Variants in USP34 observed in about 807,000 individuals in gnomAD.
The protein encoded by USP34 is ubiquitin carboxyl-terminal hydrolase 34.
Under a neutral mutation model 460.3 loss-of-function variants are expected in USP34, and 70 were observed. The ratio of observed to expected loss-of-function variants is 0.15; its 90% CI spans 0.13 to 0.19. USP34 has a LOEUF of 0.19. Ranked by LOEUF, USP34 falls within the 10% of genes least tolerant of loss-of-function variation. USP34 has a pLI of 1.00. For missense variants in USP34, 3,985 were observed against 4,236.2 expected, an observed-to-expected ratio of 0.94 and a Z score of 1.65; for synonymous variants, 1,647 against 1,405.3, an observed-to-expected ratio of 1.17 and a Z score of -3.85.
intron 1 of USP34, among the ~76,000 whole-genome samples, chr2:61,460,023 C>G (rs1470068555): frequency 3.9e-5 from 6 of 152,176 alleles, no homozygotes; most frequent in Non-Finnish European, 8.8e-5. Flanking sequence ...GATCGCACCA[C>G]TGCACTCCAG....
intron 29 of USP34, among the ~76,000 whole-genome samples, chr2:61,297,831 C>A (rs1015396671): frequency 4.6e-5 from 7 of 152,094 alleles, no homozygotes; most frequent in African/African-American, 1.4e-4. Context: ...CAACCTCCGC[C>A]TCCCGGGTTC....
chr2:61,235,328 C>CTTTTTTTTTTTTTTTTTTTTTTTT (rs10537200), intron 57 of USP34, among the ~76,000 whole-genome samples: 1 of 123,404 alleles, frequency 8.1e-6, no homozygotes. Context: ...ATTTTTTTTT[C>CTTTTTTTTTTTTTTTTTTTTTTTT]TTTTTTTTTT....
Position 61,441,802 on chromosome 2 carries a change from CAA to C in USP34, c.44-20971_44-20970del, listed in dbSNP as rs70963429. Among the ~76,000 whole-genome samples the C allele has an allele frequency of 4.9e-4, 48 of 97,310 alleles. 1 individual carries two copies. Among genetic ancestry groups the C allele is most frequent in the Non-Finnish European group, 7.2e-4 (34 of 47,142 alleles). The allele number at this position is 97,310 out of a possible 152,430, so 63.8% of individuals were successfully genotyped here. On this transcript the variant is annotated intron_variant, in intron 1 of 79. Coordinates refer to ENST00000398571, the MANE Select transcript of USP34 (RefSeq NM_014709.4). Reference sequence around the variant, plus strand: ...GGCAACAGAGAGAGAGACTGCATTACAAAAAAAAAAAAAGAAAAAAGAAAAGA... The same window carrying C: ...GGCAACAGAGAGAGAGACTGCATTACAAAAAAAAAAAGAAAAAAGAAAAGA...
intron 5 of USP34, among the ~76,000 whole-genome samples, chr2:61,385,207 T>C (rs1049712612): frequency 6.6e-6 from 1 of 152,126 alleles, no homozygotes; most frequent in Admixed American, 6.6e-5. Context: ...ACATAAAAAG[T>C]TGGAAAATAA....
At chr2:61,232,223 C>A (rs1285520276) in intron 58 of USP34, among the ~76,000 whole-genome samples, 1 of 152,116 alleles carries the variant, frequency 6.6e-6, no homozygotes, top group Non-Finnish European at 1.5e-5. Flanking sequence ...TACAGTCAAT[C>A]TTCCTATATC....
Position 61,348,420 on chromosome 2 carries a change from G to A in USP34, c.1735C>T (p.Pro579Ser), listed in dbSNP as rs749204985. 19 of 1,613,750 alleles carry A rather than the reference G, an allele frequency of 1.2e-5. No homozygotes were observed. Among genetic ancestry groups the A allele is most frequent in the Non-Finnish European group, 1.5e-5 (18 of 1,180,022 alleles). The change falls in exon 15 of 80, where the codon CCT becomes TCT. Residue 579 changes from proline to serine, a missense_variant. Pro to Ser is a moderately conservative substitution (Grantham distance 74). Transcript: ENST00000398571. ...ANSGEDGSSG[P>S]GSSSGHSDGS... The stretch of plus-strand genomic sequence containing the variant: ...TCACTATGCCCACTACTGCTACCAG[G>A]ACCACTGCTTCCATCTTCACCACTG...
At chr2:61,426,513 A>G (rs1694515587) in intron 1 of USP34, among the ~76,000 whole-genome samples, 1 of 152,088 alleles carries the variant, frequency 6.6e-6, no homozygotes, top group Non-Finnish European at 1.5e-5. Context: ...GGAAATGGGA[A>G]AAAGAGTGAG....
chr2:61,309,043 A>G (rs994199830), intron 27 of USP34, among the ~76,000 whole-genome samples: 1 of 151,576 alleles, frequency 6.6e-6, no homozygotes, highest in Non-Finnish European at 1.5e-5. Flanking sequence ...AAAAACAACA[A>G]CAACAACAAC....
At chr2:61,282,262 G>C (rs1045685116) in intron 37 of USP34, among the ~76,000 whole-genome samples, 1 of 152,124 alleles carries the variant, frequency 6.6e-6, no homozygotes, top group Non-Finnish European at 1.5e-5. Flanking sequence ...TTACAGGCGT[G>C]AGCCACAGTG....
Position 61,251,142 on chromosome 2 carries a change from A to AAAAT in USP34, c.6222-2463_6222-2460dup, listed in dbSNP as rs997614861. Reference sequence around the variant, plus strand: ...GATCAAGCGAGACTCCATCTCAAAAAAAATAAATAAATAAATAAGTAAATA... The same window carrying AAAAT: ...GATCAAGCGAGACTCCATCTCAAAAAAAATAAATAAATAAATAAATAAGTAAATA... On this transcript the variant is annotated intron_variant, in intron 48 of 79. Transcript: ENST00000398571. Among the ~76,000 whole-genome samples, 11 of 152,332 alleles carry AAAAT rather than the reference A, an allele frequency of 7.2e-5. No individual in the cohort carries two copies. The East Asian group carries it at 9.6e-4, about 13-fold the overall frequency.
chr2:61,289,928 T>C (rs1689799937), intron 33 of USP34, among the ~76,000 whole-genome samples: 1 of 152,146 alleles, frequency 6.6e-6, no homozygotes, highest in South Asian at 2.1e-4. Context: ...CCCTAAAAGA[T>C]GCTGTCAGTA....
rs376962663 is a variant in USP34, at chr2:61,188,652, G to T, written c.10091C>A (p.Thr3364Asn). 4.0e-5 allele frequency: 64 copies of T among 1,614,078 alleles called. No homozygotes were observed. Among genetic ancestry groups the T allele is most frequent in the Middle Eastern group, 3.3e-4 (2 of 6,084 alleles). ...CATGTCACTGATGCAGCTGTCTACA[G>T]TGTGCTCCTCATCACTGCTAACACG... is the stretch of plus-strand genomic sequence containing the variant. ...RRRVSSDEEH[T>N]VDSCISDMKT... Residue 3364 changes from threonine to asparagine, a missense_variant, in exon 80 of 80, where the codon ACT becomes AAT. Physicochemically the swap from Thr to Asn is moderately conservative, Grantham distance 65 (BLOSUM62 0). Coordinates refer to ENST00000398571, the MANE Select transcript of USP34 (RefSeq NM_014709.4).
intron 43 of USP34, among the ~76,000 whole-genome samples, chr2:61,263,012 T>C (rs1169287263): frequency 6.6e-6 from 1 of 151,786 alleles, no homozygotes; most frequent in African/African-American, 2.4e-5. Flanking sequence ...ATGTCCTTTG[T>C]CCACTTTTTT....
rs561532901 is a variant in USP34, at chr2:61,188,162, A to G, written c.10581T>C (p.Ile3527=). Residue 3527 remains isoleucine (I), a synonymous_variant, in exon 80 of 80, where the codon ATT becomes ATC. Transcript: ENST00000398571. ...HDILDTLCRT[I]ESTIHVVTRI... The stretch of plus-strand genomic sequence containing the variant: ...TTGTGACGACATGGATTGTAGATTC[A>G]ATGGTCCTACACAGGGTATCTAAAA... 1 of 1,614,154 alleles carries G rather than the reference A, an allele frequency of 6.2e-7. No homozygotes were observed. The highest frequency in any genetic ancestry group is 8.5e-7 in the Non-Finnish European group (1 of 1,180,024).
chr2:61,424,711 A>G (rs1255434416), intron 1 of USP34, among the ~76,000 whole-genome samples: 1 of 152,166 alleles, frequency 6.6e-6, no homozygotes, highest in Non-Finnish European at 1.5e-5. Flanking sequence ...CCCCCTCTCT[A>G]TTTAAGAAAA....
chr2:61,453,714 CAAAAAAAAAAAA>C (rs1169951643), intron 1 of USP34, among the ~76,000 whole-genome samples: 1 of 31,934 alleles, frequency 3.1e-5, no homozygotes, highest in South Asian at 1.1e-3. Flanking sequence ...CATTCCATCT[CAAAAAAAAAAAA>C]AAAAAAAAAG....
Position 61,187,807 on chromosome 2 carries a change from G to A in USP34, c.*295C>T. Reference sequence around the variant, plus strand: ...TGTAAGTTTAAATTACATTGTACAGGGCTAGGCAACCCTGTTCTTCCCAGA... The same window carrying A: ...TGTAAGTTTAAATTACATTGTACAGAGCTAGGCAACCCTGTTCTTCCCAGA... On this transcript the variant is annotated 3_prime_UTR_variant, in exon 80 of 80. Transcript: ENST00000398571. The A allele has an allele frequency of 1.0e-6, 1 of 968,090 alleles. No homozygotes were observed. The highest frequency in any genetic ancestry group is 2.6e-5 in the South Asian group (1 of 38,778). The allele number at this position is 968,090 out of a possible 1,614,324, so 60.0% of individuals were successfully genotyped here. A position where few individuals can be genotyped will look rare whatever the true frequency, so the allele number is the denominator to read the frequency against.
chr2:61,428,453 A>G (rs180676076), intron 1 of USP34, among the ~76,000 whole-genome samples: 4 of 152,336 alleles, frequency 2.6e-5, no homozygotes, highest in African/African-American at 9.6e-5. Context: ...TGTAGCTGTT[A>G]ATGTAATAAA....
intron 10 of USP34, among the ~76,000 whole-genome samples, chr2:61,357,298 G>A (rs1050648090): frequency 3.3e-5 from 5 of 152,112 alleles, no homozygotes; most frequent in African/African-American, 9.7e-5. Context: ...ACTGGACAAC[G>A]CACAAATATG....
Sources: gnomAD v4.1 joint callset for allele counts (sites outside exome capture counted in the v4.1 genomes callset) on GRCh38, gnomAD v4.1.1 for gene constraint, MANE v1.5 for transcripts, NCBI Gene and HGNC (gene_info 2026-07-23, HGNC 2026-07-21) for gene names.